CRIM1: variants seen among roughly 807,000 people sequenced by gnomAD.
CRIM1 encodes cysteine-rich motor neuron 1 protein.
Under a neutral mutation model 116.4 loss-of-function variants are expected in CRIM1, and 32 were observed. That is an observed-to-expected ratio of 0.27 (90% CI 0.21 to 0.37). CRIM1 has a LOEUF of 0.37. Ranked by LOEUF, CRIM1 falls within the 10% of genes least tolerant of loss-of-function variation. CRIM1 has a pLI of 1.00. For synonymous variants in CRIM1, 590 were observed against 509.2 expected (o/e 1.16, Z -2.13); for missense variants, 1,331 against 1,354.8 (o/e 0.98, Z 0.28).
At chr2:36,390,003 C>CT (rs113600795) in intron 1 of CRIM1, among the ~76,000 whole-genome samples, 3 of 152,286 alleles carry the variant, frequency 2.0e-5, no homozygotes, top group African/African-American at 7.2e-5. Context: ...TCAGTGCCCA[C>CT]TTTCCTGCCC....
In CRIM1 at chr2:36,548,741, G is replaced by A. The variant is rs137909490; in HGVS notation, c.*40G>A. On this transcript the variant is annotated 3_prime_UTR_variant, in exon 17 of 17. Coordinates refer to ENST00000280527, the MANE Select transcript of CRIM1 (RefSeq NM_016441.3). ...GATGAGGTTTCAAAAGACGGAAGAC[G>A]ACTAAATCTGCTCTAAAAAGTAAAC... is the stretch of plus-strand genomic sequence containing the variant. 7.6e-5 allele frequency: 113 copies of A among 1,496,534 alleles called. No homozygotes were observed. The highest frequency in any genetic ancestry group is 9.8e-5 in the African/African-American group (7 of 71,116). The allele number at this position is 1,496,534 out of a possible 1,614,324, so 92.7% of individuals were successfully genotyped here.
At chr2:36,526,232 T>C (rs2125139243) in intron 13 of CRIM1, among the ~76,000 whole-genome samples, 1 of 152,366 alleles carries the variant, frequency 6.6e-6, no homozygotes, top group Non-Finnish European at 1.5e-5. Context: ...ACTTAGATTT[T>C]ATTTTCATAA....
rs567855489 is a variant in CRIM1, at chr2:36,502,913, A to G, written c.1501+3566A>G. On this transcript the variant is annotated intron_variant, in intron 8 of 16. Coordinates refer to ENST00000280527, the MANE Select transcript of CRIM1 (RefSeq NM_016441.3). Reference sequence around the variant, plus strand: ...TTTGAGGTCTTGCTATTCTAATAATATATCCATCTTATTTTGGATTCTTCT... The same window carrying G: ...TTTGAGGTCTTGCTATTCTAATAATGTATCCATCTTATTTTGGATTCTTCT... Among the ~76,000 whole-genome samples, 23 of 152,304 alleles carry G rather than the reference A, an allele frequency of 1.5e-4. No individual in the cohort carries two copies. In the South Asian group the frequency reaches 4.8e-3, roughly 32 times the overall value.
At chr2:36,501,307 A>T (rs1396331719) in intron 8 of CRIM1, among the ~76,000 whole-genome samples, 1 of 152,188 alleles carries the variant, frequency 6.6e-6, no homozygotes, top group Non-Finnish European at 1.5e-5. Context: ...ATTATTTGTC[A>T]CTATTTTAAA....
intron 2 of CRIM1, among the ~76,000 whole-genome samples, chr2:36,412,801 A>C (rs187741981): frequency 1.9e-4 from 29 of 152,296 alleles, no homozygotes; most frequent in Admixed American, 5.2e-4. Flanking sequence ...ACATAATGTA[A>C]CATGATTGAT....
At chr2:36,415,406 T>C (rs1387259162) in intron 2 of CRIM1, among the ~76,000 whole-genome samples, 2 of 152,226 alleles carry the variant, frequency 1.3e-5, no homozygotes, top group African/African-American at 4.8e-5. Flanking sequence ...TGGTAGCTCT[T>C]GGTTACAGCT....
intron 15 of CRIM1, among the ~76,000 whole-genome samples, chr2:36,545,180 T>C (rs1189897523): frequency 6.6e-6 from 1 of 152,226 alleles, no homozygotes; most frequent in African/African-American, 2.4e-5. Context: ...ATCATTGCTA[T>C]ATAACTTATA....
chr2:36,466,186 A>G (rs1330143047), intron 5 of CRIM1, among the ~76,000 whole-genome samples: 1 of 152,078 alleles, frequency 6.6e-6, no homozygotes, highest in Non-Finnish European at 1.5e-5. Flanking sequence ...GCTTCCGGCC[A>G]ATAATCTTCT....
At chr2:36,471,726 A>AACACACAC (rs59120248) in intron 5 of CRIM1, among the ~76,000 whole-genome samples, 166 of 78,926 alleles carry the variant, frequency 2.1e-3, no homozygotes, top group African/African-American at 3.3e-3. Context: ...GATTAGCTTA[A>AACACACAC]ACACACACAC....
intron 2 of CRIM1, among the ~76,000 whole-genome samples, chr2:36,398,649 A>G (rs1021871814): frequency 6.6e-6 from 1 of 152,184 alleles, no homozygotes; most frequent in East Asian, 1.9e-4. Flanking sequence ...GATGGCTTCT[A>G]TGTAATCCAA....
intron 4 of CRIM1, among the ~76,000 whole-genome samples, chr2:36,452,613 A>C (rs2124973001): frequency 6.6e-6 from 1 of 152,300 alleles, no homozygotes; most frequent in East Asian, 1.9e-4. Flanking sequence ...CTGTCTCCCT[A>C]GTAGAGTGTT....
chr2:36,359,049 C>T (rs1288894724), intron 1 of CRIM1, among the ~76,000 whole-genome samples: 2 of 152,148 alleles, frequency 1.3e-5, no homozygotes, highest in Non-Finnish European at 2.9e-5. Flanking sequence ...TCTTGTTTTT[C>T]TGTGAGTTTA....
chr2:36,373,290 A>AGG (rs1670064949), intron 1 of CRIM1, among the ~76,000 whole-genome samples: 1 of 152,200 alleles, frequency 6.6e-6, no homozygotes, highest in South Asian at 2.1e-4. Context: ...CTCTTGAAGG[A>AGG]GGGAGTGCCC....
At chr2:36,361,260 A>C (rs886910872) in intron 1 of CRIM1, among the ~76,000 whole-genome samples, 3 of 152,202 alleles carry the variant, frequency 2.0e-5, no homozygotes, top group African/African-American at 7.2e-5. Flanking sequence ...CACATATTGT[A>C]CACTGACCAG....
intron 4 of CRIM1, among the ~76,000 whole-genome samples, chr2:36,442,945 T>G (rs1407180620): frequency 6.6e-6 from 1 of 152,172 alleles, no homozygotes; most frequent in Non-Finnish European, 1.5e-5. Context: ...CGTTAAACCT[T>G]ATAGATTCTT....
intron 1 of CRIM1, among the ~76,000 whole-genome samples, chr2:36,362,131 A>G (rs1457020393): frequency 1.3e-5 from 2 of 152,164 alleles, no homozygotes; most frequent in Non-Finnish European, 2.9e-5. Flanking sequence ...AGACAGCAAG[A>G]CTGCAAAAAG....
chr2:36,477,190 G>C, intron 6 of CRIM1, 119 bp downstream of exon 6: 1 of 835,450 alleles, frequency 1.2e-6, no homozygotes, highest in Non-Finnish European at 1.8e-6. Flanking sequence ...TCCTTTTTTA[G>C]CCTTTTTTAA....
chr2:36,418,428 A>G (rs1673787773), intron 2 of CRIM1, among the ~76,000 whole-genome samples: 1 of 152,134 alleles, frequency 6.6e-6, no homozygotes, highest in South Asian at 2.1e-4. Context: ...CTGGGAATAT[A>G]TGTGCACACC....
At chr2:36,437,361 C>T (rs901150046) in intron 2 of CRIM1, among the ~76,000 whole-genome samples, 2 of 149,888 alleles carry the variant, frequency 1.3e-5, no homozygotes, top group Non-Finnish European at 3.0e-5. Flanking sequence ...GGTGACAGAG[C>T]GAGACTCCAT....
Sources: gnomAD v4.1 joint callset for allele counts (sites outside exome capture counted in the v4.1 genomes callset) on GRCh38, gnomAD v4.1.1 for gene constraint, MANE v1.5 for transcripts, NCBI Gene and HGNC (gene_info 2026-07-23, HGNC 2026-07-21) for gene names.